Variants in RBFOX1 observed in about 807,000 individuals in gnomAD.
RBFOX1 encodes RNA binding protein fox-1 homolog 1.
In RBFOX1, 8 loss-of-function variants were observed where a neutral mutation model predicts 57.7. The observed-to-expected ratio is 0.14, with a 90% CI of 0.08 to 0.25. The LOEUF (loss-of-function observed/expected upper bound fraction) is 0.25. RBFOX1 is among the 10% of genes least tolerant of loss of function. RBFOX1 has a pLI of 1.00. For synonymous variants in RBFOX1, 326 were observed against 222.4 expected, an observed-to-expected ratio of 1.47 and a Z score of -4.15; for missense variants, 611 against 548.5, an observed-to-expected ratio of 1.11 and a Z score of -1.14.
At chr16:6,656,895 C>CT (rs2098658210) in intron 3 of RBFOX1, among the ~76,000 whole-genome samples, 1 of 144,122 alleles carries the variant, frequency 6.9e-6, no homozygotes, top group African/African-American at 2.7e-5. Context: ...CTCCTCTCCT[C>CT]CCCTCAACTC....
At chr16:6,117,629 T>C (rs1476211939) in intron 1 of RBFOX1, among the ~76,000 whole-genome samples, 1 of 152,276 alleles carries the variant, frequency 6.6e-6, no homozygotes, top group Non-Finnish European at 1.5e-5. Context: ...CTCTGGAGGA[T>C]GTAGCTTTCA....
intron 2 of RBFOX1, among the ~76,000 whole-genome samples, chr16:6,486,232 G>A (rs901064424): frequency 1.3e-5 from 2 of 151,174 alleles, no homozygotes; most frequent in Non-Finnish European, 2.9e-5. Context: ...CCTCATTGTT[G>A]TCTTTGATTT....
chr16:6,662,356 C>T (rs1603233388), intron 3 of RBFOX1, among the ~76,000 whole-genome samples: 11 of 152,124 alleles, frequency 7.2e-5, no homozygotes, highest in Admixed American at 7.2e-4. Flanking sequence ...TCATGATATA[C>T]ACATGTATCA....
intron 4 of RBFOX1, among the ~76,000 whole-genome samples, chr16:7,457,097 G>T (rs1219284287): frequency 6.6e-6 from 1 of 151,938 alleles, no homozygotes; most frequent in Admixed American, 6.6e-5. Context: ...GTGTTGGTCA[G>T]GCTGGTCTCG....
intron 4 of RBFOX1, among the ~76,000 whole-genome samples, chr16:7,095,049 T>A (rs916061358): frequency 2.0e-5 from 3 of 152,174 alleles, no homozygotes; most frequent in African/African-American, 7.2e-5. Context: ...TATTTGCAAA[T>A]CTGTCTATAT....
At chr16:6,755,994 G>T (rs1195997439) in intron 3 of RBFOX1, among the ~76,000 whole-genome samples, 1 of 152,120 alleles carries the variant, frequency 6.6e-6, no homozygotes, top group Non-Finnish European at 1.5e-5. Context: ...GTCAATAAGT[G>T]CCCACTTCTG....
At chr16:7,295,486 T>C (rs1201321720) in intron 4 of RBFOX1, among the ~76,000 whole-genome samples, 1 of 152,172 alleles carries the variant, frequency 6.6e-6, no homozygotes, top group African/African-American at 2.4e-5. Flanking sequence ...CTTATATATA[T>C]TACATGATTT....
chr16:6,112,492 A>G (rs1217911225), intron 1 of RBFOX1, among the ~76,000 whole-genome samples: 1 of 152,130 alleles, frequency 6.6e-6, no homozygotes, highest in Non-Finnish European at 1.5e-5. Flanking sequence ...GGAGTTTAAG[A>G]CCAGCCTGGC....
chr16:7,326,423 T>C (rs1237695688), intron 4 of RBFOX1, among the ~76,000 whole-genome samples: 1 of 152,058 alleles, frequency 6.6e-6, no homozygotes, highest in East Asian at 1.9e-4. Flanking sequence ...GATAATAGAA[T>C]GGAAGCTCGA....
chr16:6,493,932 C>T (rs553245804), intron 2 of RBFOX1, among the ~76,000 whole-genome samples: 3 of 152,282 alleles, frequency 2.0e-5, no homozygotes, highest in East Asian at 1.9e-4. Flanking sequence ...TCTACAGTAG[C>T]ATCAGCGTGA....
At chr16:7,216,235 A>C (rs561655226) in intron 4 of RBFOX1, among the ~76,000 whole-genome samples, 1 of 152,160 alleles carries the variant, frequency 6.6e-6, no homozygotes, top group Admixed American at 6.5e-5. Flanking sequence ...TCATGCCACT[A>C]TCTGCATATT....
rs1434798535 is a variant in RBFOX1 at position 5,573,059 on chromosome 16, T to C, written c.259-25843T>C. 1.3e-5 allele frequency among the ~76,000 whole-genome samples: 2 copies of C among 152,080 alleles called. 1 individual carries two copies. Among genetic ancestry groups the C allele is most frequent in the Non-Finnish European group, 2.9e-5 (2 of 68,004 alleles). Reference sequence around the variant, plus strand: ...ATGGGGCAGGGGCAGGGAGGACATTTAGGCAGTTGTCGTAATGATGGTGCC... The same window carrying C: ...ATGGGGCAGGGGCAGGGAGGACATTCAGGCAGTTGTCGTAATGATGGTGCC... On this transcript the variant is annotated intron_variant, in intron 2 of 2. Coordinates refer to the RBFOX1 transcript ENST00000585867.
chr16:6,239,473 C>A (rs60133183), intron 1 of RBFOX1, among the ~76,000 whole-genome samples: 25,573 of 136,970 alleles, frequency 0.19, 2,794 homozygotes, highest in African/African-American at 0.31. Context: ...ACTTATTCTT[C>A]TCCAACTGAC....
intron 1 of RBFOX1, among the ~76,000 whole-genome samples, chr16:5,424,660 G>T (rs189112331): frequency 7.3e-4 from 111 of 152,098 alleles, no homozygotes; most frequent in African/African-American, 2.6e-3. Flanking sequence ...CATCCTGCAC[G>T]TGTATCCTGG....
intron 2 of RBFOX1, among the ~76,000 whole-genome samples, chr16:6,521,433 T>C (rs1036433911): frequency 2.8e-5 from 4 of 144,688 alleles, no homozygotes; most frequent in Admixed American, 7.0e-5. Flanking sequence ...TTCCTTCCCT[T>C]CCCTCCCCTC....
intron 4 of RBFOX1, among the ~76,000 whole-genome samples, chr16:5,972,256 C>A (rs1462020250): frequency 2.0e-5 from 3 of 152,150 alleles, no homozygotes; most frequent in Non-Finnish European, 2.9e-5. Flanking sequence ...TCTGGAGAAC[C>A]CTGACTAATA....
intron 3 of RBFOX1, among the ~76,000 whole-genome samples, chr16:6,692,526 G>C (rs148528559): frequency 2.6e-5 from 4 of 152,204 alleles, no homozygotes; most frequent in African/African-American, 9.6e-5. Flanking sequence ...TCGGCCTCCT[G>C]GTTCCTCTCT....
At chr16:7,573,042 A>G (rs1306345912) in intron 5 of RBFOX1, among the ~76,000 whole-genome samples, 1 of 152,166 alleles carries the variant, frequency 6.6e-6, no homozygotes, top group Non-Finnish European at 1.5e-5. Context: ...GAAGAGATGT[A>G]TGCTGTGAAG....
chr16:7,262,889 T>C (rs1402299552), intron 4 of RBFOX1, among the ~76,000 whole-genome samples: 4 of 152,234 alleles, frequency 2.6e-5, no homozygotes, highest in East Asian at 1.9e-4. Context: ...TGTGTTCTTA[T>C]TTGAAAGCCA....
Sources: gnomAD v4.1 joint callset for allele counts (sites outside exome capture counted in the v4.1 genomes callset) on GRCh38, gnomAD v4.1.1 for gene constraint, MANE v1.5 for transcripts, NCBI Gene and HGNC (gene_info 2026-07-23, HGNC 2026-07-21) for gene names.